The following CYLD variants were observed in gnomAD, a reference collection of about 807,000 sequenced individuals.
The protein encoded by CYLD is ubiquitin carboxyl-terminal hydrolase CYLD.
CYLD carries 26 observed loss-of-function variants against 104.5 expected under a neutral mutation model. The observed-to-expected ratio is 0.25, with a 90% CI of 0.18 to 0.35. The LOEUF is 0.35. CYLD is among the 10% of genes least tolerant of loss of function. CYLD has a pLI of 1.00. For missense variants in CYLD, 703 were observed against 1,136.1 expected (o/e 0.62, Z 5.48); for synonymous variants, 385 against 399.9 (o/e 0.96, Z 0.45).
intron 2 of CYLD, among the ~76,000 whole-genome samples, chr16:50,747,133 C>T (rs1966255262): frequency 6.6e-6 from 1 of 152,172 alleles, no homozygotes; most frequent in Non-Finnish European, 1.5e-5. Context: ...ACTGTCTTAA[C>T]CTTCTGCTAG....
intron 16 of CYLD, 105 bp downstream of exon 16, chr16:50,792,810 G>A (rs969960374): frequency 5.4e-5 from 36 of 668,722 alleles, no homozygotes; most frequent in Middle Eastern, 2.5e-4. Flanking sequence ...TATTTCCCAA[G>A]GCAATTCAGT....
chr16:50,771,481 A>T (rs1427284948), intron 5 of CYLD, among the ~76,000 whole-genome samples: 3 of 152,192 alleles, frequency 2.0e-5, no homozygotes, highest in Admixed American at 6.5e-5. Context: ...TATACAAGTT[A>T]TTCTGTGGAC....
chr16:50,793,115 TACAC>T (rs3064638), intron 16 of CYLD, among the ~76,000 whole-genome samples: 9,656 of 145,054 alleles, frequency 0.067, 308 homozygotes, highest in Middle Eastern at 0.12. Context: ...AGGAGCCATA[TACAC>T]ACACACACAC....
intron 14 of CYLD, 24 bp from the exon 15 acceptor site, chr16:50,791,534 A>G (rs760178367): frequency 6.2e-7 from 1 of 1,613,082 alleles, no homozygotes; most frequent in Non-Finnish European, 8.5e-7. Context: ...GGTTGTATGT[A>G]TTTTTTTCTC....
chr16:50,766,402 A>C (rs996803848), intron 5 of CYLD, among the ~76,000 whole-genome samples: 1 of 152,264 alleles, frequency 6.6e-6, no homozygotes, highest in Non-Finnish European at 1.5e-5. Context: ...TTGATGATGC[A>C]ACTGGTCACT....
intron 2 of CYLD, among the ~76,000 whole-genome samples, chr16:50,748,032 T>C (rs1966336412): frequency 6.6e-6 from 1 of 152,238 alleles, no homozygotes; most frequent in Non-Finnish European, 1.5e-5. Flanking sequence ...ATTTGCCAGG[T>C]TGTTTGATCA....
At chr16:50,780,539 G>T (rs1397723452) in intron 9 of CYLD, among the ~76,000 whole-genome samples, 1 of 152,200 alleles carries the variant, frequency 6.6e-6, no homozygotes, top group African/African-American at 2.4e-5. Flanking sequence ...TTTATTTAGA[G>T]ATGGGGTCTC....
intron 6 of CYLD, 25 bp downstream of exon 6, chr16:50,775,199 G>A (rs372289271): frequency 6.3e-7 from 1 of 1,588,090 alleles, no homozygotes; most frequent in African/African-American, 1.3e-5. Flanking sequence ...TGTCGTGTTG[G>A]ACTCCACGGA....
At chr16:50,779,565 C>T in intron 8 of CYLD, 100 bp from the exon 9 acceptor site, 2 of 1,131,672 alleles carry the variant, frequency 1.8e-6, no homozygotes, top group Non-Finnish European at 2.6e-6. Flanking sequence ...GCAGGGAGGT[C>T]AGGTGGGCAG....
intron 9 of CYLD, 92 bp downstream of exon 9, chr16:50,780,136 T>A (rs1160434576): frequency 3.5e-6 from 5 of 1,448,332 alleles, no homozygotes; most frequent in Non-Finnish European, 4.8e-6. Flanking sequence ...CAAACTGTTA[T>A]ATTTGTCAGA....
rs1344347941 is a variant in CYLD at position 50,793,617 on chromosome 16, A to G, written c.2422A>G (p.Ile808Val). The change falls in exon 17 of 19, where the codon ATC becomes GTC. Residue 808 changes from isoleucine to valine, a missense_variant. Physicochemically the swap from Ile to Val is conservative, Grantham distance 29. Around this residue, in one of 5 missense-constraint regions of CYLD, gnomAD observed 130 missense variants for 220.2 expected, o/e 0.59. Transcript: ENST00000427738. ...ECRECYDDPD[I>V]SAGKIKQFCK... is the part of the protein sequence containing the mutation. ...TAGAGAATGCTACGACGATCCGGAC[A>G]TCTCAGCTGGAAAAATCAAGCAGTT... 6.2e-7 allele frequency: 1 copy of G among 1,614,162 alleles called. No individual in the cohort carries two copies. The highest frequency in any genetic ancestry group is 1.1e-5 in the South Asian group (1 of 91,080).
intron 2 of CYLD, among the ~76,000 whole-genome samples, chr16:50,745,540 G>A (rs532172928): frequency 6.6e-6 from 1 of 151,346 alleles, no homozygotes; most frequent in African/African-American, 2.4e-5. Context: ...CACCACACCC[G>A]GCTAATTTTC....
chr16:50,795,652 A>G (rs1472517322), intron 18 of CYLD: 1 of 702,270 alleles, frequency 1.4e-6, no homozygotes, highest in Non-Finnish European at 2.6e-6. Context: ...CCCTAGATCA[A>G]GAGTTCTCCA....
intron 11 of CYLD, 31 bp from the exon 12 acceptor site, chr16:50,784,298 C>T (rs376308666): frequency 2.9e-5 from 47 of 1,608,798 alleles, no homozygotes; most frequent in Admixed American, 1.7e-4. Context: ...ATGTTTACAG[C>T]ATGAAGAAAA....
In CYLD at chr16:50,782,446, C is replaced by T. The variant is rs753105601; in HGVS notation, c.1806C>T (p.Tyr602=). ...TCCAGGGTCATTACAATTCTTGTTA[C>T]TTAGACTCAACCTTATTCTGGTAAG... ...KGIQGHYNSC[Y]LDSTLFCLFA... Residue 602 remains tyrosine, a synonymous_variant, in exon 11 of 19, where the codon TAC becomes TAT. Transcript: ENST00000427738. The T allele has an allele frequency of 6.2e-7, 1 of 1,614,064 alleles. No homozygotes were observed. The highest frequency in any genetic ancestry group is 1.7e-5 in the Admixed American group (1 of 59,998).
At chr16:50,745,527 C>G (rs1231491689) in intron 2 of CYLD, among the ~76,000 whole-genome samples, 3 of 151,932 alleles carry the variant, frequency 2.0e-5, no homozygotes, top group East Asian at 3.9e-4. Context: ...CACAGGCAGA[C>G]ACCACCACAC....
chr16:50,760,960 C>T (rs913260940), intron 5 of CYLD, among the ~76,000 whole-genome samples: 26 of 152,160 alleles, frequency 1.7e-4, no homozygotes, highest in African/African-American at 5.5e-4. Flanking sequence ...GTGTTACTAA[C>T]TTTTTTCCCA....
Position 50,760,850 on chromosome 16 carries a change from A to G in CYLD, c.913+6426A>G, listed in dbSNP as rs530536627. Among the ~76,000 whole-genome samples, 23 of 152,200 alleles carry G rather than the reference A, an allele frequency of 1.5e-4. No homozygotes were observed. In the South Asian group the frequency reaches 3.9e-3, roughly 26 times the overall value. ...TTGATGAAAGGGCGTATGCGTTGGT[A>G]TTGTTCTGGATATTGTTAATTGCCT... On this transcript the variant is annotated intron_variant, in intron 5 of 18. Coordinates refer to ENST00000427738, the MANE Select transcript of CYLD (RefSeq NM_001378743.1).
intron 5 of CYLD, among the ~76,000 whole-genome samples, chr16:50,765,784 A>G (rs1968441160): frequency 6.6e-6 from 1 of 152,356 alleles, no homozygotes; most frequent in East Asian, 1.9e-4. Context: ...TGGATAGAAG[A>G]TCAAACCAGC....
Sources: gnomAD v4.1 joint callset for allele counts (sites outside exome capture counted in the v4.1 genomes callset) on GRCh38, gnomAD v4.1.1 for gene constraint, gnomAD v4.1.1 regional missense constraint, MANE v1.5 for transcripts, NCBI Gene and HGNC (gene_info 2026-07-23, HGNC 2026-07-21) for gene names.